The following NR6A1 variants were observed in gnomAD, a reference collection of about 807,000 sequenced individuals.
The protein encoded by NR6A1 is nuclear receptor subfamily 6 group A member 1, also known as retinoic acid receptor-related testis-associated receptor.
Under a neutral mutation model 59.1 loss-of-function variants are expected in NR6A1, and 7 were observed. The observed-to-expected ratio is 0.12, with a 90% CI of 0.07 to 0.22. The LOEUF (loss-of-function observed/expected upper bound fraction) is 0.22. Ranked by LOEUF, NR6A1 falls within the 10% of genes least tolerant of loss-of-function variation. The pLI is 1.00. For synonymous variants in NR6A1, 243 were observed against 236.1 expected, an observed-to-expected ratio of 1.03 and a Z score of -0.27; for missense variants, 468 against 611.6, an observed-to-expected ratio of 0.77 and a Z score of 2.48.
chr9:124,680,497 C>T (rs1169799665), intron 2 of NR6A1, among the ~76,000 whole-genome samples: 1 of 151,992 alleles, frequency 6.6e-6, no homozygotes, highest in African/African-American at 2.4e-5. Flanking sequence ...ACGGAGTGTA[C>T]AAAGTACAGA....
intron 2 of NR6A1, among the ~76,000 whole-genome samples, chr9:124,624,247 T>G (rs1836169916): frequency 6.6e-6 from 1 of 152,198 alleles, no homozygotes; most frequent in African/African-American, 2.4e-5. Flanking sequence ...TGATGATAAG[T>G]TCTATCGTTC....
rs1335400933 is a variant in NR6A1, at chr9:124,573,111, AAAG to A, written c.143-18544_143-18542del. ...TTCACAGCGACAATGGGGTGGGAAAAAAGAAGGCTCACAGGATCTAGTCTTTGG... is the reference window on the plus strand; with the variant it reads ...TTCACAGCGACAATGGGGTGGGAAAAAAGGCTCACAGGATCTAGTCTTTGG... On this transcript the variant is annotated intron_variant, in intron 2 of 9. Transcript: ENST00000487099. Among the ~76,000 whole-genome samples the A allele has an allele frequency of 2.6e-5, 4 of 152,322 alleles. No individual in the cohort carries two copies. In the East Asian group the frequency reaches 7.7e-4, roughly 29 times the overall value.
intron 2 of NR6A1, among the ~76,000 whole-genome samples, chr9:124,558,002 G>A (rs929223547): frequency 2.0e-5 from 3 of 152,116 alleles, no homozygotes; most frequent in Non-Finnish European, 2.9e-5. Flanking sequence ...CCCATACATA[G>A]GTGAGTACAA....
intron 1 of NR6A1, among the ~76,000 whole-genome samples, chr9:124,757,149 G>GT (rs1475179554): frequency 6.6e-6 from 1 of 152,022 alleles, no homozygotes; most frequent in Non-Finnish European, 1.5e-5. Context: ...GGTATGCAAG[G>GT]TATCTCAGTG....
At chr9:124,524,996 CAGG>C in intron 8 of NR6A1, 123 bp from the exon 9 acceptor site, 1 of 1,113,560 alleles carries the variant, frequency 9.0e-7, no homozygotes, top group Non-Finnish European at 1.2e-6. Flanking sequence ...ATTGTCACAA[CAGG>C]AGATCTCCTC....
chr9:124,589,169 C>G (rs1301490737), intron 2 of NR6A1, among the ~76,000 whole-genome samples: 1 of 152,092 alleles, frequency 6.6e-6, no homozygotes, highest in Non-Finnish European at 1.5e-5. Flanking sequence ...AAAAACAGGC[C>G]AGGCCGGTGG....
intron 2 of NR6A1, among the ~76,000 whole-genome samples, chr9:124,661,619 G>A (rs1435342072): frequency 2.6e-5 from 4 of 152,148 alleles, no homozygotes; most frequent in Admixed American, 1.3e-4. Flanking sequence ...AGCTGAACAC[G>A]TGCCAGATTT....
intron 3 of NR6A1, among the ~76,000 whole-genome samples, chr9:124,548,537 G>C (rs1413498226): frequency 1.3e-5 from 2 of 152,108 alleles, no homozygotes; most frequent in Admixed American, 1.3e-4. Context: ...TGTAAGAAAT[G>C]TAAAAAAAAT....
At chr9:124,587,207 GT>G (rs1209023888) in intron 2 of NR6A1, among the ~76,000 whole-genome samples, 2 of 152,092 alleles carry the variant, frequency 1.3e-5, no homozygotes, top group Non-Finnish European at 2.9e-5. Context: ...GGTATGTAGG[GT>G]TTTTTTCTGA....
chr9:124,587,061 C>A (rs977901221), intron 2 of NR6A1, among the ~76,000 whole-genome samples: 3 of 152,308 alleles, frequency 2.0e-5, no homozygotes, highest in Middle Eastern at 6.8e-3. Flanking sequence ...ATAGCCATCC[C>A]CCAACCTTCA....
chr9:124,584,964 T>C (rs1024917472), intron 2 of NR6A1, among the ~76,000 whole-genome samples: 4 of 152,184 alleles, frequency 2.6e-5, no homozygotes, highest in African/African-American at 9.7e-5. Context: ...AAATTAAAAG[T>C]GCTACTCCAG....
chr9:124,533,255 C>A (rs896842313), intron 7 of NR6A1, among the ~76,000 whole-genome samples: 12 of 152,182 alleles, frequency 7.9e-5, no homozygotes, highest in Non-Finnish European at 1.3e-4. Context: ...CCAAACACCC[C>A]TATGGAGCAG....
intron 2 of NR6A1, among the ~76,000 whole-genome samples, chr9:124,612,865 T>C (rs559638066): frequency 6.6e-6 from 1 of 152,106 alleles, no homozygotes; most frequent in South Asian, 2.1e-4. Flanking sequence ...ATTATACAAA[T>C]TGGTACAACA....
chr9:124,701,643 TTTG>T (rs760101745), intron 2 of NR6A1, among the ~76,000 whole-genome samples: 1 of 152,252 alleles, frequency 6.6e-6, no homozygotes, highest in Non-Finnish European at 1.5e-5. Flanking sequence ...CATTATATTT[TTTG>T]TTAATTTCTA....
chr9:124,556,391 G>C (rs1019630781), intron 2 of NR6A1, among the ~76,000 whole-genome samples: 1 of 151,972 alleles, frequency 6.6e-6, no homozygotes, highest in Non-Finnish European at 1.5e-5. Flanking sequence ...GCAAGGAACC[G>C]ATTCTCCCCT....
intron 2 of NR6A1, among the ~76,000 whole-genome samples, chr9:124,584,736 T>C (rs1321406423): frequency 6.6e-6 from 1 of 152,130 alleles, no homozygotes; most frequent in Non-Finnish European, 1.5e-5. Context: ...CTCTCCATTC[T>C]CTGAAACCCA....
intron 1 of NR6A1, among the ~76,000 whole-genome samples, chr9:124,740,800 T>C (rs1840153857): frequency 6.6e-6 from 1 of 152,184 alleles, no homozygotes; most frequent in African/African-American, 2.4e-5. Flanking sequence ...CCCGTGATCA[T>C]GATTTGGCAC....
chr9:124,692,322 C>T (rs1838577558), intron 2 of NR6A1: 5 of 307,792 alleles, frequency 1.6e-5, no homozygotes, highest in South Asian at 1.6e-4. Context: ...TTCTCTGCTG[C>T]ACACAAATTG....
rs1347242917 is a variant in NR6A1 at position 124,729,114 on chromosome 9, G to A, written c.142+4194C>T. On this transcript the variant is annotated intron_variant, in intron 2 of 9. Transcript: ENST00000487099. ...AAGTCTAGATTAAGCCAGTTTAGGT[G>A]TATTTTCTATTTTAGTGATGGATCG... Among the ~76,000 whole-genome samples the A allele has an allele frequency of 2.6e-5, 4 of 152,136 alleles. No homozygotes were observed. The East Asian group carries it at 5.8e-4, about 22-fold the overall frequency.
Sources: allele counts gnomAD v4.1 joint callset (sites outside exome capture counted in the v4.1 genomes callset), GRCh38; gene constraint gnomAD v4.1.1; transcripts MANE v1.5; gene names NCBI Gene and HGNC (gene_info 2026-07-23, HGNC 2026-07-21).